Variants in OPCML observed in about 807,000 individuals in gnomAD.
OPCML encodes opioid-binding protein/cell adhesion molecule.
In OPCML, 13 loss-of-function variants were observed where a neutral mutation model predicts 37.8. The observed-to-expected ratio is 0.34, with a 90% CI of 0.22 to 0.55. OPCML has a LOEUF of 0.55. Ranked by LOEUF, OPCML falls within the 20% of genes least tolerant of loss-of-function variation. OPCML has a pLI of 0.91. For missense variants in OPCML, 341 were observed against 435.6 expected (o/e 0.78, Z 1.93); for synonymous variants, 176 against 168.8 (o/e 1.04, Z -0.33).
chr11:133,398,610 T>TA (rs112784318), intron 1 of OPCML, among the ~76,000 whole-genome samples: 159 of 150,116 alleles, frequency 1.1e-3, no homozygotes, highest in East Asian at 1.8e-3. Context: ...TATCTTTTTT[T>TA]AAAAAAAAAA....
intron 1 of OPCML, among the ~76,000 whole-genome samples, chr11:133,447,062 C>A (rs1946487852): frequency 6.6e-6 from 1 of 152,172 alleles, no homozygotes. Flanking sequence ...AGTAGAATTT[C>A]TGTGCCATAT....
At chr11:132,888,079 G>A (rs1263402417) in intron 2 of OPCML, among the ~76,000 whole-genome samples, 2 of 152,128 alleles carry the variant, frequency 1.3e-5, no homozygotes, top group Non-Finnish European at 1.5e-5. Flanking sequence ...AGAAATTACT[G>A]GCAAAGAGTG....
chr11:132,912,892 C>A (rs1944473826), intron 2 of OPCML, among the ~76,000 whole-genome samples: 1 of 152,188 alleles, frequency 6.6e-6, no homozygotes, highest in Admixed American at 6.5e-5. Flanking sequence ...AACAACTTAG[C>A]AAATTAACAG....
chr11:133,225,519 G>C (rs1171082339), intron 1 of OPCML, among the ~76,000 whole-genome samples: 1 of 152,184 alleles, frequency 6.6e-6, no homozygotes, highest in Non-Finnish European at 1.5e-5. Flanking sequence ...ACACGGGAAA[G>C]TGCTTGAAAC....
At chr11:132,998,718 C>T (rs891345741) in intron 1 of OPCML, among the ~76,000 whole-genome samples, 1 of 152,010 alleles carries the variant, frequency 6.6e-6, no homozygotes, top group African/African-American at 2.4e-5. Flanking sequence ...AGGATGGAGC[C>T]CTCATGAATG....
chr11:132,792,032 C>T (rs191126020), intron 2 of OPCML, among the ~76,000 whole-genome samples: 4 of 152,354 alleles, frequency 2.6e-5, no homozygotes, highest in Admixed American at 2.0e-4. Flanking sequence ...ATCCAAATGT[C>T]CCCTCATCAG....
At chr11:133,252,266 A>G (rs1698351776) in intron 1 of OPCML, among the ~76,000 whole-genome samples, 1 of 152,222 alleles carries the variant, frequency 6.6e-6, no homozygotes, top group Non-Finnish European at 1.5e-5. Context: ...TACGTACAGC[A>G]CAATCTCCAG....
chr11:132,760,469 A>T (rs1028503412), intron 2 of OPCML, among the ~76,000 whole-genome samples: 2 of 151,746 alleles, frequency 1.3e-5, no homozygotes, highest in African/African-American at 4.8e-5. Context: ...TTGCTTTATT[A>T]ATTTGAGTGC....
chr11:132,933,300 TC>T (rs1261721687), intron 2 of OPCML, among the ~76,000 whole-genome samples: 1 of 152,160 alleles, frequency 6.6e-6, no homozygotes, highest in African/African-American at 2.4e-5. Context: ...TGTGCCAGCC[TC>T]TATTATGTGA....
At chr11:133,116,963 T>C (rs1040886776) in intron 1 of OPCML, among the ~76,000 whole-genome samples, 1 of 152,132 alleles carries the variant, frequency 6.6e-6, no homozygotes, top group Non-Finnish European at 1.5e-5. Flanking sequence ...GTTGGAATTA[T>C]ACTGTAGAAG....
intron 1 of OPCML, among the ~76,000 whole-genome samples, chr11:132,979,057 CTT>C (rs1448784713): frequency 2.0e-5 from 3 of 152,272 alleles, no homozygotes; most frequent in South Asian, 4.1e-4. Context: ...AGCCTTGACT[CTT>C]TCCACCCTCT....
rs552419469 is a variant in OPCML at position 133,083,065 on chromosome 11, C to G, written c.62-140055G>C. 6.0e-3 allele frequency among the ~76,000 whole-genome samples: 598 copies of G among 99,404 alleles called. 6 individuals are homozygous for G. The highest frequency in any genetic ancestry group is 0.017 in the African/African-American group (539 of 31,726). 65.2% of individuals were successfully genotyped at this position (99,404 alleles called of 152,430 possible). A position where few individuals can be genotyped will look rare whatever the true frequency, so the allele number is the denominator to read the frequency against. On this transcript the variant is annotated intron_variant, in intron 1 of 7. Coordinates refer to ENST00000524381, the MANE Select transcript of OPCML (RefSeq NM_001012393.5). ...ACTGCCTGGTGGAGCCACAGGGCACCCGCCCGGAAACACCGCCTGCGCCCC... is the reference window on the plus strand; with the variant it reads ...ACTGCCTGGTGGAGCCACAGGGCACGCGCCCGGAAACACCGCCTGCGCCCC...
intron 1 of OPCML, among the ~76,000 whole-genome samples, chr11:133,438,813 G>A (rs190336654): frequency 2.0e-5 from 3 of 152,102 alleles, no homozygotes; most frequent in Admixed American, 6.5e-5. Context: ...AACGGTCAAC[G>A]ATTTAATACA....
chr11:132,503,844 T>C (rs1006905877), intron 4 of OPCML, among the ~76,000 whole-genome samples: 1 of 152,188 alleles, frequency 6.6e-6, no homozygotes, highest in Non-Finnish European at 1.5e-5. Context: ...AAAATAGATA[T>C]GGTTTTCTAC....
intron 2 of OPCML, chr11:132,772,521 G>T (rs1318137976): frequency 6.6e-6 from 1 of 152,154 alleles, no homozygotes; most frequent in African/African-American, 2.4e-5. Flanking sequence ...AATGGAAGGA[G>T]GGCACTTATT....
intron 2 of OPCML, among the ~76,000 whole-genome samples, chr11:132,852,703 A>G (rs1254501550): frequency 6.6e-6 from 1 of 152,108 alleles, no homozygotes; most frequent in African/African-American, 2.4e-5. Context: ...TGAAACAGAG[A>G]GAGTAATTTT....
intron 1 of OPCML, chr11:133,006,893 C>T (rs1947124192): frequency 3.0e-6 from 3 of 985,466 alleles, no homozygotes; most frequent in Non-Finnish European, 2.4e-6. Context: ...CTATACCTGT[C>T]ATGGGGCCAC....
intron 1 of OPCML, among the ~76,000 whole-genome samples, chr11:133,186,786 A>G (rs1027136467): frequency 6.6e-6 from 1 of 152,220 alleles, no homozygotes; most frequent in East Asian, 1.9e-4. Flanking sequence ...GCATAATAAG[A>G]AAGCCAAGTA....
chr11:133,517,094 C>T (rs1039050353), intron 1 of OPCML, among the ~76,000 whole-genome samples: 2 of 152,198 alleles, frequency 1.3e-5, no homozygotes, highest in African/African-American at 4.8e-5. Context: ...TGTCTGGACT[C>T]CATTCCCAGT....
Sources: allele counts gnomAD v4.1 joint callset (sites outside exome capture counted in the v4.1 genomes callset), GRCh38; gene constraint gnomAD v4.1.1; transcripts MANE v1.5; gene names NCBI Gene and HGNC (gene_info 2026-07-23, HGNC 2026-07-21).